Variants in SPICE1 observed in about 807,000 individuals in gnomAD.
The protein encoded by SPICE1 is spindle and centriole associated protein 1, also known as spindle and centriole-associated protein 1.
In SPICE1, 75 loss-of-function variants were observed where a neutral mutation model predicts 102.7. The observed-to-expected ratio is 0.73, with a 90% CI of 0.61 to 0.88. SPICE1 has a LOEUF of 0.88. Ranked by LOEUF, SPICE1 falls within the 40% of genes least tolerant of loss-of-function variation. The probability of loss-of-function intolerance (pLI) is 0.00; values close to 1 mark genes in which losing one functional copy is unlikely to be tolerated. For missense variants in SPICE1, 979 were observed against 1,020.1 expected, an observed-to-expected ratio of 0.96 and a Z score of 0.55; for synonymous variants, 308 against 350.3, an observed-to-expected ratio of 0.88 and a Z score of 1.35.
At chr3:113,466,973 C>T (rs954261278) in intron 10 of SPICE1, among the ~76,000 whole-genome samples, 8 of 151,864 alleles carry the variant, frequency 5.3e-5, no homozygotes, top group Non-Finnish European at 7.4e-5. Flanking sequence ...CACTTAAACC[C>T]GGGAGGTGGA....
At chr3:113,480,067 T>A (rs914221756) in intron 7 of SPICE1, among the ~76,000 whole-genome samples, 3 of 152,092 alleles carry the variant, frequency 2.0e-5, no homozygotes, top group South Asian at 2.1e-4. Context: ...CAAAATTTTT[T>A]AAGAAGTATA....
At chr3:113,468,507 T>G in intron 9 of SPICE1, 103 bp from the exon 10 acceptor site, 1 of 1,321,924 alleles carries the variant, frequency 7.6e-7, no homozygotes, top group Non-Finnish European at 1.0e-6. Context: ...ATAAAAGGCT[T>G]GTATAGACGA....
intron 7 of SPICE1, among the ~76,000 whole-genome samples, chr3:113,480,486 C>T (rs1316456039): frequency 1.3e-5 from 2 of 152,124 alleles, no homozygotes. Context: ...ACCTCCAATA[C>T]TCCATTAATG....
rs61506451 is a variant in SPICE1 at position 113,486,156 on chromosome 3, C to CATATATATATAT, written c.611+2777_611+2788dup. Among the ~76,000 whole-genome samples the CATATATATATAT allele has an allele frequency of 3.6e-3, 513 of 141,992 alleles. 1 individual carries two copies. Among genetic ancestry groups the CATATATATATAT allele is most frequent in the African/African-American group, 0.012 (440 of 38,068 alleles). 93.2% of individuals were successfully genotyped at this position (141,992 alleles called of 152,430 possible). A position where few individuals can be genotyped will look rare whatever the true frequency, so the allele number is the denominator to read the frequency against. The stretch of plus-strand genomic sequence containing the variant: ...AAATACTGAAAATAACCTAAATGAC[C>CATATATATATAT]ATATATATATATATATAGTATATCA... On this transcript the variant is annotated intron_variant, in intron 7 of 17. Transcript: ENST00000295872.
Position 113,499,487 on chromosome 3 carries a change from T to A in SPICE1, c.243A>T (p.Lys81Asn). The A allele has an allele frequency of 6.2e-7, 1 of 1,613,428 alleles. No individual in the cohort carries two copies. Among genetic ancestry groups the A allele is most frequent in the Non-Finnish European group, 8.5e-7 (1 of 1,179,818 alleles). ...TTTTCTCAAGATTTAAAGTTTCTGG[T>A]TTCTGCTTCCTCCATTTTCTCTTCA... ...KALKRKWRKQKPETLNLEKRR... is the reference protein window; with the variant it reads ...KALKRKWRKQNPETLNLEKRR... Residue 81 changes from lysine to asparagine, a missense_variant, in exon 4 of 18, where the codon AAA becomes AAT. By Grantham distance (94) the Lys-to-Asn change is moderately conservative. Coordinates refer to ENST00000295872, the MANE Select transcript of SPICE1 (RefSeq NM_144718.4).
intron 2 of SPICE1, 106 bp downstream of exon 2, chr3:113,506,401 C>T (rs1414561081): frequency 7.0e-6 from 6 of 861,852 alleles, no homozygotes; most frequent in African/African-American, 3.4e-5. Context: ...CACCCTATTA[C>T]GTGATGAGCC....
intron 7 of SPICE1, among the ~76,000 whole-genome samples, chr3:113,472,564 G>T (rs190645058): frequency 2.6e-5 from 4 of 152,252 alleles, no homozygotes; most frequent in Non-Finnish European, 4.4e-5. Flanking sequence ...ACCTCACACG[G>T]CCGGGTATTC....
At position 113,445,338 on chromosome 3, in the gene SPICE1, C is replaced by T. The variant is rs1935488499; in HGVS notation, c.2537G>A (p.Gly846Asp). 6.2e-7 allele frequency: 1 copy of T among 1,612,672 alleles called. No individual in the cohort carries two copies. Among genetic ancestry groups the T allele is most frequent in the Non-Finnish European group, 8.5e-7 (1 of 1,179,274 alleles). ...TACATGGGTAGAAAGAGCAAACCAG[C>T]CTTCTTCATTCTGTTTCTCAATCTG... Reference protein sequence around the residue: ...RAKIEKQNEEGWFALSTHVS With the variant: ...RAKIEKQNEEDWFALSTHVS Residue 846 changes from glycine (G) to aspartate (D), a missense_variant, in exon 18 of 18, where the codon GGC becomes GAC. Physicochemically the swap from Gly to Asp is moderately conservative, Grantham distance 94. Coordinates refer to ENST00000295872, the MANE Select transcript of SPICE1 (RefSeq NM_144718.4).
intron 7 of SPICE1, among the ~76,000 whole-genome samples, chr3:113,485,177 T>G (rs1475592442): frequency 5.6e-5 from 7 of 125,468 alleles, no homozygotes; most frequent in Non-Finnish European, 8.2e-5. Context: ...GTTTTGTTTG[T>G]TTTTTTTTTT....
intron 5 of SPICE1, among the ~76,000 whole-genome samples, 174 bp from the exon 6 acceptor site, chr3:113,493,486 T>C (rs1936809292): frequency 6.6e-6 from 1 of 152,228 alleles, no homozygotes; most frequent in South Asian, 2.1e-4. Flanking sequence ...ATATATTAAC[T>C]CATTTTACTC....
intron 4 of SPICE1, among the ~76,000 whole-genome samples, chr3:113,497,682 T>G (rs1172194080): frequency 1.5e-5 from 2 of 136,286 alleles, no homozygotes; most frequent in Admixed American, 1.5e-4. Flanking sequence ...CATACATACA[T>G]AGAGAGAGAG....
At chr3:113,497,668 T>C (rs1006647234) in intron 4 of SPICE1, among the ~76,000 whole-genome samples, 2 of 145,054 alleles carry the variant, frequency 1.4e-5, no homozygotes, top group African/African-American at 5.2e-5. Context: ...GTTATATATA[T>C]ATGCATACAT....
In SPICE1 at chr3:113,467,672, G is replaced by A. The variant is rs114301275; in HGVS notation, c.1155+467C>T. Among the ~76,000 whole-genome samples the A allele has an allele frequency of 8.4e-3, 1,277 of 152,256 alleles. 22 individuals are homozygous for A. Among genetic ancestry groups the A allele is most frequent in the African/African-American group, 0.029 (1,206 of 41,548 alleles). ...AAACATCTCCCACTTAGACATTGAAGCCATATGTGAGTTACCAGACATACA... is the reference window on the plus strand; with the variant it reads ...AAACATCTCCCACTTAGACATTGAAACCATATGTGAGTTACCAGACATACA... On this transcript the variant is annotated intron_variant, in intron 10 of 17. Transcript: ENST00000295872.
intron 15 of SPICE1, among the ~76,000 whole-genome samples, chr3:113,448,352 T>C (rs1935566902): frequency 1.3e-5 from 2 of 151,878 alleles, no homozygotes; most frequent in African/African-American, 2.4e-5. Flanking sequence ...TTCAGTAGCA[T>C]GCCAGTTCAT....
At chr3:113,485,729 T>C (rs752630379) in intron 7 of SPICE1, among the ~76,000 whole-genome samples, 36 of 152,148 alleles carry the variant, frequency 2.4e-4, no homozygotes, top group Non-Finnish European at 3.7e-4. Flanking sequence ...AAATATACTA[T>C]GTTCTTGAAT....
At chr3:113,480,956 AC>A (rs959657561) in intron 7 of SPICE1, among the ~76,000 whole-genome samples, 19 of 73,176 alleles carry the variant, frequency 2.6e-4, no homozygotes, top group African/African-American at 1.2e-3. Flanking sequence ...TAAAGCCAAT[AC>A]CTTACTTAAG....
chr3:113,493,691 T>G (rs1296168815), intron 5 of SPICE1, among the ~76,000 whole-genome samples: 1 of 152,238 alleles, frequency 6.6e-6, no homozygotes, highest in Admixed American at 6.5e-5. Flanking sequence ...ATAATGCGTG[T>G]ATCTGACAAG....
chr3:113,514,152 A>C lies in SPICE1; in HGVS notation c.-1+745T>G, dbSNP rs187017836. Among the ~76,000 whole-genome samples the C allele has an allele frequency of 2.6e-5, 4 of 152,360 alleles. No homozygotes were observed. In the East Asian group the frequency reaches 5.8e-4, roughly 22 times the overall value. On this transcript the variant is annotated intron_variant, in intron 1 of 17. Coordinates refer to ENST00000295872, the MANE Select transcript of SPICE1 (RefSeq NM_144718.4). ...GTTTGAGAAGTTCAGTTCAATTAAC[A>C]AAGATCTGAGAGGGTGAGAGGTTAA...
intron 11 of SPICE1, among the ~76,000 whole-genome samples, chr3:113,465,421 A>C (rs1253582653): frequency 6.6e-6 from 1 of 152,232 alleles, no homozygotes; most frequent in Non-Finnish European, 1.5e-5. Flanking sequence ...TCTTCCCACT[A>C]AATAGTAAGT....
Sources: allele counts gnomAD v4.1 joint callset (sites outside exome capture counted in the v4.1 genomes callset), GRCh38; gene constraint gnomAD v4.1.1; transcripts MANE v1.5; gene names NCBI Gene and HGNC (gene_info 2026-07-23, HGNC 2026-07-21).